NAA35: variants seen among roughly 807,000 people sequenced by gnomAD.
NAA35 encodes the protein N-alpha-acetyltransferase 35, NatC auxiliary subunit.
In NAA35, 18 loss-of-function variants were observed where a neutral mutation model predicts 101.7. The observed-to-expected ratio is 0.18, with a 90% confidence interval of 0.12 to 0.26. NAA35 has a LOEUF of 0.26. Among genes scored for constraint, NAA35 ranks in the 10% least tolerant of loss-of-function variants. The pLI is 1.00. For synonymous variants in NAA35, 267 were observed against 273.1 expected, an observed-to-expected ratio of 0.98 and a Z score of 0.22; for missense variants, 601 against 886.8, an observed-to-expected ratio of 0.68 and a Z score of 4.09.
Position 85,996,400 on chromosome 9 carries a change from T to G in NAA35, c.879T>G (p.Asp293Glu). 1 of 1,562,096 alleles carries G rather than the reference T, an allele frequency of 6.4e-7. No individual in the cohort carries two copies. Among genetic ancestry groups the G allele is most frequent in the South Asian group, 1.2e-5 (1 of 80,454 alleles). ...TTACTTTCATTTTTTTCTTTTTAGA[T>G]CATCCAATTATGATGGGTTTTGAAC... ...IQAQNDTTKG[D>E]HPIMMGFEPL... The change falls in exon 12 of 23, where the codon GAT becomes GAG. Residue 293 changes from aspartate (D) to glutamate (E), a missense_variant and splice_region_variant. Physicochemically the swap from Asp to Glu is conservative, Grantham distance 45. Transcript: ENST00000361671.
At chr9:86,001,961 A>G (rs1361012797) in intron 12 of NAA35, among the ~76,000 whole-genome samples, 1 of 152,052 alleles carries the variant, frequency 6.6e-6, no homozygotes, top group African/African-American at 2.4e-5. Flanking sequence ...TTATAGTGAC[A>G]CTAGTCTGTG....
At chr9:85,950,310 A>G (rs112902027) in intron 2 of NAA35, among the ~76,000 whole-genome samples, 1,741 of 152,284 alleles carry the variant, frequency 0.011, 6 homozygotes, top group Admixed American at 0.018. Flanking sequence ...CCATGGCACA[A>G]TCTCAGCTCA....
chr9:85,978,418 C>A, intron 11 of NAA35, 37 bp downstream of exon 11: 1 of 1,365,602 alleles, frequency 7.3e-7, no homozygotes, highest in Non-Finnish European at 1.0e-6. Flanking sequence ...TTCTTTTCTT[C>A]GTTTCTATCC....
chr9:86,008,977 T>C (rs867357704), intron 14 of NAA35, among the ~76,000 whole-genome samples: 11 of 152,180 alleles, frequency 7.2e-5, no homozygotes, highest in African/African-American at 2.7e-4. Flanking sequence ...TGATTTTTCC[T>C]TTTTTAGAGC....
chr9:85,988,805 A>G (rs1411652945), intron 11 of NAA35, among the ~76,000 whole-genome samples: 3 of 152,150 alleles, frequency 2.0e-5, no homozygotes, highest in Admixed American at 6.5e-5. Flanking sequence ...TCGAAAAAAA[A>G]AAAAGGACAT....
chr9:86,004,746 A>G (rs377751114), intron 13 of NAA35, among the ~76,000 whole-genome samples: 1 of 152,240 alleles, frequency 6.6e-6, no homozygotes, highest in Non-Finnish European at 1.5e-5. Context: ...GACTCTGTAA[A>G]CATTAAAAGA....
intron 5 of NAA35, among the ~76,000 whole-genome samples, chr9:85,960,233 T>G (rs1405144554): frequency 6.6e-6 from 1 of 152,224 alleles, no homozygotes; most frequent in East Asian, 1.9e-4. Context: ...GAGAGATTTT[T>G]TCTAATCTAG....
intron 1 of NAA35, 115 bp from the exon 2 acceptor site, chr9:85,942,040 T>G: frequency 6.9e-7 from 1 of 1,451,836 alleles, no homozygotes; most frequent in Non-Finnish European, 9.2e-7. Context: ...AGAAGAGTTC[T>G]GCTTTAAAGA....
chr9:85,959,909 G>T, intron 5 of NAA35, 42 bp downstream of exon 5: 1 of 1,405,710 alleles, frequency 7.1e-7, no homozygotes, highest in South Asian at 1.2e-5. Flanking sequence ...TTAAAACTGT[G>T]ACTTACCTGA....
chr9:86,007,303 A>G, intron 13 of NAA35, 55 bp from the exon 14 acceptor site: 1 of 1,266,388 alleles, frequency 7.9e-7, no homozygotes, highest in South Asian at 1.3e-5. Flanking sequence ...CTGATTTTAC[A>G]CTAATGACAA....
chr9:85,990,606 G>T (rs1830860080), intron 11 of NAA35, among the ~76,000 whole-genome samples: 1 of 152,240 alleles, frequency 6.6e-6, no homozygotes, highest in Admixed American at 6.5e-5. Context: ...AGGGAACCAT[G>T]TATTTCCAAT....
rs904372221 is a variant in NAA35, at chr9:85,992,362, TAAATG to T, written c.878-4031_878-4027del. 7.2e-5 allele frequency among the ~76,000 whole-genome samples: 11 copies of T among 152,118 alleles called. 1 individual carries two copies. Among genetic ancestry groups the T allele is most frequent in the African/African-American group, 2.7e-4 (11 of 41,490 alleles). On this transcript the variant is annotated intron_variant, in intron 11 of 22. Coordinates refer to ENST00000361671, the MANE Select transcript of NAA35 (RefSeq NM_024635.4). ...AGCCATTATTCTACCCTGATATAAA[TAAATG>T]AAATGGACAGTTTGATGAAAATATT...
At chr9:85,943,227 A>G (rs1174262215) in intron 2 of NAA35, among the ~76,000 whole-genome samples, 1 of 152,164 alleles carries the variant, frequency 6.6e-6, no homozygotes, top group East Asian at 1.9e-4. Context: ...AATTAACTAG[A>G]GTGAGAGCTT....
intron 5 of NAA35, among the ~76,000 whole-genome samples, chr9:85,960,206 A>C (rs1336683205): frequency 6.6e-6 from 1 of 152,220 alleles, no homozygotes; most frequent in Non-Finnish European, 1.5e-5. Context: ...AAAGAGAGCT[A>C]TTATGCAATG....
At position 86,018,821 on chromosome 9, in the gene NAA35, G is replaced by C; in HGVS notation, c.2037G>C (p.Glu679Asp). Residue 679 changes from glutamate to aspartate, a missense_variant and splice_region_variant, in exon 21 of 23, where the codon GAG (glutamate) becomes GAC (aspartate). Physicochemically the swap from Glu to Asp is conservative, Grantham distance 45. Transcript: ENST00000361671. The part of the protein sequence containing the change: ...ILENIPNPDH[E>D]VNRILKVAKP... ...AAAATATTCCTAACCCGGACCATGAGGTGAGACTGGATTCACAGTAATTCT... is the reference window on the plus strand; with the variant it reads ...AAAATATTCCTAACCCGGACCATGACGTGAGACTGGATTCACAGTAATTCT... 1 of 1,612,328 alleles carries C rather than the reference G, an allele frequency of 6.2e-7. No homozygotes were observed. Among genetic ancestry groups the C allele is most frequent in the Non-Finnish European group, 8.5e-7 (1 of 1,179,594 alleles).
At chr9:86,001,839 C>T (rs11141175) in intron 12 of NAA35, among the ~76,000 whole-genome samples, 47,151 of 151,968 alleles carry the variant, frequency 0.31, 9,607 homozygotes, top group African/African-American at 0.59. Context: ...CACTCTGTTT[C>T]TTAAGTGGGC....
chr9:86,000,028 A>G (rs562771578), intron 12 of NAA35, among the ~76,000 whole-genome samples: 2 of 152,086 alleles, frequency 1.3e-5, no homozygotes, highest in African/African-American at 4.8e-5. Context: ...ACATAAATAA[A>G]CACTTGGCCT....
At chr9:85,983,557 A>G (rs1414555314) in intron 11 of NAA35, among the ~76,000 whole-genome samples, 1 of 152,156 alleles carries the variant, frequency 6.6e-6, no homozygotes, top group Non-Finnish European at 1.5e-5. Flanking sequence ...CAAACAAAGT[A>G]CCTTAAGAGA....
At chr9:85,983,728 A>T (rs548284812) in intron 11 of NAA35, among the ~76,000 whole-genome samples, 1 of 152,230 alleles carries the variant, frequency 6.6e-6, no homozygotes, top group East Asian at 1.9e-4. Flanking sequence ...TGATGGGTTG[A>T]TGGCTCAGCA....
Sources: allele counts gnomAD v4.1 joint callset (sites outside exome capture counted in the v4.1 genomes callset), GRCh38; gene constraint gnomAD v4.1.1; transcripts MANE v1.5; gene names NCBI Gene and HGNC (gene_info 2026-07-23, HGNC 2026-07-21).